The following SYNE1 variants were observed in gnomAD, a reference collection of about 807,000 sequenced individuals.
The protein encoded by SYNE1 is nesprin-1.
SYNE1 carries 616 observed loss-of-function variants against 1,111.0 expected under a neutral mutation model. The observed-to-expected ratio is 0.55, with a 90% CI of 0.52 to 0.59. SYNE1 has a LOEUF of 0.59. Among genes scored for constraint, SYNE1 ranks in the 20% least tolerant of loss-of-function variants. The probability of loss-of-function intolerance (pLI) is 0.00; values close to 1 mark genes in which losing one functional copy is unlikely to be tolerated. For synonymous variants in SYNE1, 3,855 were observed against 3,825.8 expected, an observed-to-expected ratio of 1.01 and a Z score of -0.28; for missense variants, 10,006 against 10,417.0, an observed-to-expected ratio of 0.96 and a Z score of 1.72.
intron 55 of SYNE1, among the ~76,000 whole-genome samples, chr6:152,384,895 T>C (rs1392194184): frequency 1.4e-5 from 2 of 145,350 alleles, no homozygotes; most frequent in East Asian, 2.1e-4. Flanking sequence ...AAAAAAAAAA[T>C]AGATCTGCAA....
rs1475482876 is a variant in SYNE1, at chr6:152,371,911, AGGAAAG to A, written c.9507+1120_9507+1125del. Among the ~76,000 whole-genome samples, 63 of 68,336 alleles carry A rather than the reference AGGAAAG, an allele frequency of 9.2e-4. 8 individuals carry two copies. The highest frequency in any genetic ancestry group is 2.7e-3 in the African/African-American group (62 of 23,388). The allele number at this position is 68,336 out of a possible 152,430, so 44.8% of individuals were successfully genotyped here. A position where few individuals can be genotyped will look rare whatever the true frequency, so the allele number is the denominator to read the frequency against. On this transcript the variant is annotated intron_variant, in intron 59 of 145. Coordinates refer to ENST00000367255, the MANE Select transcript of SYNE1 (RefSeq NM_182961.4). ...AGGAAAGGAAAGGAAAGGAAAGGAA[AGGAAAG>A]GAAAGGACAGGACAGGACAGGAAAG...
At chr6:152,283,898 G>T in intron 96 of SYNE1, 80 bp downstream of exon 96, 1 of 1,178,218 alleles carries the variant, frequency 8.5e-7, no homozygotes, top group South Asian at 1.2e-5. Flanking sequence ...ATGTAAATAC[G>T]TAAGTAACCC....
intron 3 of SYNE1, among the ~76,000 whole-genome samples, chr6:152,623,313 C>T (rs1371255697): frequency 6.6e-6 from 1 of 152,102 alleles, no homozygotes; most frequent in Admixed American, 6.6e-5. Context: ...AAGACTGAAA[C>T]TGGACCTCTT....
rs138817571 is a variant in SYNE1, at chr6:152,408,297, G to A, written c.6540+771C>T. ...ATATCTATATTTCCAGAAAAATCAA[G>A]TGACTTGTTCTGTGGTCACGTAGCT... is the stretch of plus-strand genomic sequence containing the variant. On this transcript the variant is annotated intron_variant, in intron 44 of 145. Coordinates refer to ENST00000367255, the MANE Select transcript of SYNE1 (RefSeq NM_182961.4). Among the ~76,000 whole-genome samples, 289 of 152,256 alleles carry A rather than the reference G, an allele frequency of 1.9e-3. 1 individual carries two copies. Among genetic ancestry groups the A allele is most frequent in the Admixed American group, 0.016 (249 of 15,282 alleles).
chr6:152,628,736 T>A (rs944944023), intron 2 of SYNE1, among the ~76,000 whole-genome samples, 182 bp from the exon 3 acceptor site: 1 of 152,188 alleles, frequency 6.6e-6, no homozygotes, highest in African/African-American at 2.4e-5. Context: ...TCCCATGATA[T>A]TTAATAAAAT....
Position 152,325,306 on chromosome 6 carries a change from G to C in SYNE1, c.15439-4C>G, listed in dbSNP as rs772158689. 14 of 1,613,982 alleles carry C rather than the reference G, an allele frequency of 8.7e-6. No individual in the cohort carries two copies. The highest frequency in any genetic ancestry group is 1.1e-5 in the Non-Finnish European group (13 of 1,179,864). ...AGTTAACCACTGACACTAAAGCCTA[G>C]GGTTGGGGGTGGAGGACGGAAGAGA... On this transcript the variant is annotated splice_polypyrimidine_tract_variant and splice_region_variant and intron_variant, in intron 80 of 145. Coordinates refer to ENST00000367255, the MANE Select transcript of SYNE1 (RefSeq NM_182961.4).
chr6:152,179,971 C>T (rs2067533263), intron 129 of SYNE1, among the ~76,000 whole-genome samples, 165 bp downstream of exon 129: 1 of 152,116 alleles, frequency 6.6e-6, no homozygotes, highest in African/African-American at 2.4e-5. Context: ...GCGTGAGCCA[C>T]TGCGCCCAGC....
chr6:152,339,701 C>T (rs1008009746), intron 74 of SYNE1, among the ~76,000 whole-genome samples: 12 of 152,326 alleles, frequency 7.9e-5, no homozygotes, highest in African/African-American at 2.9e-4. Context: ...TTGTAGCCTA[C>T]GCTGTCCTGC....
In SYNE1 at chr6:152,336,961, C is replaced by T; in HGVS notation, c.12408G>A (p.Lys4136=). The change falls in exon 76 of 146, where the codon AAG becomes AAA. Residue 4136 remains lysine, a synonymous_variant. Transcript: ENST00000367255. ...QNLTQGWEEI[K]HLKSELWIYL... The stretch of plus-strand genomic sequence containing the variant: ...AAATCCAGAGCTCAGACTTCAGGTG[C>T]TTGATCTCTTCCCAGCCCTGAGTTA... 2 of 1,614,114 alleles carry T rather than the reference C, an allele frequency of 1.2e-6. No individual in the cohort carries two copies. The highest frequency in any genetic ancestry group is 1.3e-5 in the African/African-American group (1 of 75,034).
intron 28 of SYNE1, 58 bp from the exon 29 acceptor site, chr6:152,447,680 A>G: frequency 6.2e-7 from 1 of 1,607,008 alleles, no homozygotes; most frequent in South Asian, 1.1e-5. Context: ...ATAACTTTCC[A>G]GCAATAAAGG....
intron 32 of SYNE1, among the ~76,000 whole-genome samples, chr6:152,437,622 G>A (rs1365935089): frequency 6.6e-6 from 1 of 152,062 alleles, no homozygotes; most frequent in Non-Finnish European, 1.5e-5. Flanking sequence ...GTAAATATTA[G>A]ATGTTACCTG....
intron 145 of SYNE1, among the ~76,000 whole-genome samples, chr6:152,123,560 C>T (rs7760864): frequency 0.015 from 2,277 of 152,268 alleles, 60 homozygotes; most frequent in African/African-American, 0.052. Flanking sequence ...GAAGTAGATT[C>T]TGAGTTGGGT....
At chr6:152,136,360 C>T (rs1164063403) in intron 141 of SYNE1, among the ~76,000 whole-genome samples, 2 of 152,174 alleles carry the variant, frequency 1.3e-5, no homozygotes, top group Admixed American at 6.5e-5. Flanking sequence ...ATAGAAGGAG[C>T]GTTGCGACGG....
intron 111 of SYNE1, among the ~76,000 whole-genome samples, chr6:152,234,306 CT>C (rs34441971): frequency 0.56 from 85,038 of 151,190 alleles, 24,529 homozygotes; most frequent in East Asian, 0.85. Context: ...TTCTTTTTTT[CT>C]TTTTAGATGG....
intron 21 of SYNE1, among the ~76,000 whole-genome samples, 164 bp downstream of exon 21, chr6:152,461,432 TA>T (rs1334086252): frequency 6.6e-6 from 1 of 152,158 alleles, no homozygotes; most frequent in East Asian, 1.9e-4. Context: ...ATCATAGTTT[TA>T]TTTTTTTTAA....
chr6:152,313,008 C>T (rs116551901), intron 87 of SYNE1, among the ~76,000 whole-genome samples: 2,627 of 152,220 alleles, frequency 0.017, 77 homozygotes, highest in African/African-American at 0.059. Flanking sequence ...ATTGACAAAG[C>T]AGGGTGTCCC....
intron 67 of SYNE1, among the ~76,000 whole-genome samples, chr6:152,353,995 C>T (rs1006761407): frequency 3.3e-5 from 5 of 152,028 alleles, no homozygotes; most frequent in Non-Finnish European, 7.4e-5. Context: ...TGAAAACAGG[C>T]CAGGTGCGGT....
intron 34 of SYNE1, among the ~76,000 whole-genome samples, chr6:152,431,783 C>T (rs920664855): frequency 5.9e-5 from 9 of 152,168 alleles, no homozygotes; most frequent in Admixed American, 2.0e-4. Context: ...ACATAAATGT[C>T]GGATATGCAT....
intron 93 of SYNE1, 91 bp from the exon 94 acceptor site, chr6:152,294,218 T>C (rs533787920): frequency 8.9e-7 from 1 of 1,125,520 alleles, no homozygotes; most frequent in East Asian, 3.1e-5. Flanking sequence ...CAAGGAAAGG[T>C]TTCAGATCTA....
Sources: allele counts gnomAD v4.1 joint callset (sites outside exome capture counted in the v4.1 genomes callset), GRCh38; gene constraint gnomAD v4.1.1; transcripts MANE v1.5; gene names NCBI Gene and HGNC (gene_info 2026-07-23, HGNC 2026-07-21).